Variants in CDHR2 observed in about 807,000 individuals in gnomAD.
CDHR2 encodes the protein cadherin related family member 2.
Under a neutral mutation model 138.6 loss-of-function variants are expected in CDHR2, and 104 were observed. That is an observed-to-expected ratio of 0.75 (90% confidence interval 0.64 to 0.88). The LOEUF (loss-of-function observed/expected upper bound fraction) is 0.88. CDHR2 is among the 40% of genes least tolerant of loss of function. CDHR2 has a pLI of 0.00. For synonymous variants in CDHR2, 755 were observed against 742.8 expected, an observed-to-expected ratio of 1.02 and a Z score of -0.27; for missense variants, 1,624 against 1,727.6, an observed-to-expected ratio of 0.94 and a Z score of 1.06.
Position 176,575,954 on chromosome 5 carries a change from C to T in CDHR2, c.963C>T (p.Ala321=), listed in dbSNP as rs182436517. 19 of 1,612,420 alleles carry T rather than the reference C, an allele frequency of 1.2e-5. No individual in the cohort carries two copies. In the Admixed American group the frequency reaches 3.2e-4, roughly 27 times the overall value. The change falls in exon 12 of 32, where the codon GCC becomes GCT. Residue 321 remains alanine, a splice_region_variant and synonymous_variant. Transcript: ENST00000261944. ...CTGCCCTCTGCTCTGTGCCTCAGGC[C>T]ACCGAGACACACCTCAACATCTACG... ...ADEEVQLQVT[A]TETHLNIYGQ...
chr5:176,581,239 C>G, intron 16 of CDHR2, 104 bp from the exon 17 acceptor site: 1 of 1,463,696 alleles, frequency 6.8e-7, no homozygotes. Context: ...GGCCTGATGA[C>G]TGCCTGCGTG....
intron 1 of CDHR2, among the ~76,000 whole-genome samples, chr5:176,560,332 G>A (rs1447353523): frequency 6.6e-6 from 1 of 151,906 alleles, no homozygotes; most frequent in Non-Finnish European, 1.5e-5. Context: ...GGGGGTGGAG[G>A]TTGCAGTGAG....
intron 1 of CDHR2, among the ~76,000 whole-genome samples, chr5:176,562,198 G>C (rs1757982788): frequency 6.6e-6 from 1 of 152,162 alleles, no homozygotes; most frequent in South Asian, 2.1e-4. Context: ...GGGCGGAAAA[G>C]ATTAGATTAT....
chr5:176,571,559 C>T (rs1177020814), intron 6 of CDHR2, among the ~76,000 whole-genome samples: 5 of 151,354 alleles, frequency 3.3e-5, no homozygotes, highest in Admixed American at 6.6e-5. Flanking sequence ...TTTGTGTAGA[C>T]GGAGTCTCAC....
rs751353697 is a variant in CDHR2, at chr5:176,578,692, C to T, written c.1818+84C>T. 7.6e-4 allele frequency: 1,187 copies of T among 1,564,962 alleles called. 5 individuals are homozygous for T. The highest frequency in any genetic ancestry group is 9.2e-4 in the Middle Eastern group (5 of 5,460). On this transcript the variant is annotated intron_variant, in intron 16 of 31. Coordinates refer to ENST00000261944, the MANE Select transcript of CDHR2 (RefSeq NM_017675.6). ...TGGGCATGCTGGCCCTGGGTAAAGT[C>T]GGGGCTCCGCTGTGTGGCTCTGAGA...
At position 176,586,100 on chromosome 5, in the gene CDHR2, C is replaced by G. The variant is rs1490824034; in HGVS notation, c.2806+75C>G. The G allele has an allele frequency of 2.5e-6, 3 of 1,198,116 alleles. No individual in the cohort carries two copies. The East Asian group carries it at 7.0e-5, about 28-fold the overall frequency. The allele number at this position is 1,198,116 out of a possible 1,614,324, so 74.2% of individuals were successfully genotyped here. A position where few individuals can be genotyped will look rare whatever the true frequency, so the allele number is the denominator to read the frequency against. The stretch of plus-strand genomic sequence containing the variant: ...CTTTGAGCAACCCCGACAGACCCTC[C>G]TTGGACCCCAGGGGGAGCCTTTAGA... On this transcript the variant is annotated intron_variant, in intron 20 of 31. Transcript: ENST00000261944.
At position 176,577,488 on chromosome 5, in the gene CDHR2, C is replaced by T. The variant is rs757214290; in HGVS notation, c.1284C>T (p.Ser428=). ...VSPERAVGSA[S]VQVLVRVSAL... ...CGGAGCGGGCAGTGGGCTCAGCCTCCGTTCAGGTGCTGGTGAGAGTATCCG... is the reference window on the plus strand; with the variant it reads ...CGGAGCGGGCAGTGGGCTCAGCCTCTGTTCAGGTGCTGGTGAGAGTATCCG... The change falls in exon 13 of 32, where the codon TCC becomes TCT. Residue 428 remains serine, a synonymous_variant. Coordinates refer to ENST00000261944, the MANE Select transcript of CDHR2 (RefSeq NM_017675.6). 79 of 1,611,556 alleles carry T rather than the reference C, an allele frequency of 4.9e-5. No individual in the cohort carries two copies. The highest frequency in any genetic ancestry group is 1.3e-4 in the South Asian group (12 of 90,536).
At position 176,553,373 on chromosome 5, in the gene CDHR2, G is replaced by A. The variant is rs1757752695; in HGVS notation, c.-16+3959G>A. Among the ~76,000 whole-genome samples the A allele has an allele frequency of 2.6e-5, 4 of 152,248 alleles. No individual in the cohort carries two copies. The South Asian group carries it at 8.3e-4, about 32-fold the overall frequency. On this transcript the variant is annotated intron_variant, in intron 1 of 31. Transcript: ENST00000261944. This position sits in a 1 kb window ranked among gnomAD's most constrained non-coding sequence, Gnocchi z 4.3. Reference sequence around the variant, plus strand: ...GGGCAAAGTGCTAGCCTCGGTACACGGCCCTTCCTTGCCAGTTCCCATTTT... The same window carrying A: ...GGGCAAAGTGCTAGCCTCGGTACACAGCCCTTCCTTGCCAGTTCCCATTTT...
chr5:176,554,372 C>T (rs533888533), intron 1 of CDHR2, among the ~76,000 whole-genome samples: 11 of 152,202 alleles, frequency 7.2e-5, no homozygotes, highest in East Asian at 1.9e-4. Flanking sequence ...GACAACCCCA[C>T]GGAAGGAAGA....
rs1056672178 is a variant in CDHR2, at chr5:176,578,541, C to T, written c.1751C>T (p.Pro584Leu). The T allele has an allele frequency of 2.5e-6, 4 of 1,614,002 alleles. No homozygotes were observed. Among genetic ancestry groups the T allele is most frequent in the Non-Finnish European group, 3.4e-6 (4 of 1,180,046 alleles). Residue 584 changes from proline (P) to leucine (L), a missense_variant, in exon 16 of 32, where the codon CCC (proline) becomes CTC (leucine). Transcript: ENST00000261944. ...IHLLDINDNA[P>L]VVSGSYNIFV... is the part of the protein sequence containing the mutation. ...CTGCTGGACATCAACGACAATGCACCCGTGGTTAGCGGCTCCTACAACATC... is the reference window on the plus strand; with the variant it reads ...CTGCTGGACATCAACGACAATGCACTCGTGGTTAGCGGCTCCTACAACATC...
chr5:176,562,964 A>G (rs1030070081), intron 1 of CDHR2, among the ~76,000 whole-genome samples: 2 of 152,172 alleles, frequency 1.3e-5, no homozygotes, highest in Non-Finnish European at 2.9e-5. Flanking sequence ...GTGCATGAGT[A>G]AGCAATCTCT....
chr5:176,564,682 C>T (rs1344331984), intron 1 of CDHR2, among the ~76,000 whole-genome samples: 2 of 152,070 alleles, frequency 1.3e-5, no homozygotes, highest in Admixed American at 6.6e-5. Flanking sequence ...ATGCAGCCCT[C>T]CCTAGACCCA....
rs759003390 is a variant in CDHR2, at chr5:176,590,589, C to G, written c.3441C>G (p.Asp1147Glu). Residue 1147 changes from aspartate to glutamate, a missense_variant, in exon 28 of 32, where the codon GAC becomes GAG. Asp to Glu is a conservative substitution (Grantham distance 45, BLOSUM62 2). Around this residue, in one of 3 missense-constraint regions of CDHR2, gnomAD observed 556 missense variants for 565.7 expected, o/e 0.98. Transcript: ENST00000261944. Reference protein sequence around the residue: ...VLGSQESQESDLSKQLISVII... With the variant: ...VLGSQESQESELSKQLISVII... ...GCTCCCAGGAGAGCCAGGAGTCAGA[C>G]CTGTCGAAACAGCTCATCAGTGTCA... 4 of 1,614,024 alleles carry G rather than the reference C, an allele frequency of 2.5e-6. No homozygotes were observed. In the South Asian group the frequency reaches 4.4e-5, roughly 18 times the overall value.
At position 176,586,025 on chromosome 5, in the gene CDHR2, G is replaced by A; in HGVS notation, c.2806G>A (p.Val936Met). Residue 936 changes from valine to methionine, a missense_variant and splice_region_variant, in exon 20 of 32, where the codon GTG (valine) becomes ATG (methionine). Around this residue, in one of 3 missense-constraint regions of CDHR2, gnomAD observed 556 missense variants for 565.7 expected, o/e 0.98. Transcript: ENST00000261944. ...TTTTCTGCCTGAGAATAAGACTTTT[G>A]GTAAGCAGCAACCCCATTCACACAC... ...PYFLPENKTF[V>M]IIPELVLPNR... 6.2e-7 allele frequency: 1 copy of A among 1,613,348 alleles called. No homozygotes were observed. Among genetic ancestry groups the A allele is most frequent in the Non-Finnish European group, 8.5e-7 (1 of 1,179,414 alleles).
At chr5:176,581,721 T>C (rs1251287097) in intron 17 of CDHR2, 139 bp downstream of exon 17, 10 of 1,101,320 alleles carry the variant, frequency 9.1e-6, no homozygotes, top group Admixed American at 4.6e-5. Context: ...CCCCAGGCAA[T>C]TACTCAACCT....
At chr5:176,549,137 C>T (rs1260622181), upstream of CDHR2, among the ~76,000 whole-genome samples, 1 of 152,182 alleles carries the variant, frequency 6.6e-6, no homozygotes, top group African/African-American at 2.4e-5. Flanking sequence ...CGGCCAGGCC[C>T]CTTCTCCTGT....
In CDHR2 at chr5:176,591,404, A is replaced by G; in HGVS notation, c.3654A>G (p.Arg1218=). 6.2e-7 allele frequency: 1 copy of G among 1,613,968 alleles called. No homozygotes were observed. The change falls in exon 30 of 32, where the codon CGA becomes CGG. Residue 1218 remains arginine (R), a splice_region_variant and synonymous_variant. Coordinates refer to ENST00000261944, the MANE Select transcript of CDHR2 (RefSeq NM_017675.6). ...CAACTTGACCAGGCTTTCTCTCCAG[A>G]GCCAACCCCATGCTGAACCTCCCCA... ...IPGTNMYNTE[R]ANPMLNLPNK...
intron 1 of CDHR2, among the ~76,000 whole-genome samples, chr5:176,560,706 C>T (rs1237240953): frequency 4.6e-5 from 7 of 152,238 alleles, no homozygotes; most frequent in Non-Finnish European, 1.0e-4. Context: ...CAGGGTCTGG[C>T]AGATAGCGGC....
rs1351940509 is a variant in CDHR2, at chr5:176,589,509, C to T, written c.3118-19C>T. ...CCCAGGGTCCCTGGTGCCTCATCTC[C>T]TGCACACCCCCTTCCCAGCTCTTCA... On this transcript the variant is annotated intron_variant, in intron 23 of 31. Transcript: ENST00000261944. 1 of 1,614,004 alleles carries T rather than the reference C, an allele frequency of 6.2e-7. No individual in the cohort carries two copies. Among genetic ancestry groups the T allele is most frequent in the South Asian group, 1.1e-5 (1 of 91,078 alleles).
Sources: gnomAD v4.1 joint callset for allele counts (sites outside exome capture counted in the v4.1 genomes callset) on GRCh38, gnomAD v4.1.1 for gene constraint, gnomAD v4.1.1 regional missense constraint, Gnocchi (gnomAD v3.1) non-coding constraint, MANE v1.5 for transcripts, NCBI Gene and HGNC (gene_info 2026-07-23, HGNC 2026-07-21) for gene names.